The following GAMT variants were observed in gnomAD, a reference collection of about 807,000 sequenced individuals.
GAMT encodes the protein epididymis secretory protein Li 20.
A neutral mutation model predicts 26.9 loss-of-function variants in GAMT; 26 were observed. That is an observed-to-expected ratio of 0.97 (90% confidence interval 0.71 to 1.34). GAMT has a LOEUF of 1.34. Ranked by LOEUF, GAMT falls within the 40% of genes most tolerant of loss-of-function variation. The pLI is 0.00. For synonymous variants in GAMT, 169 were observed against 149.6 expected (o/e 1.13, Z -0.95); for missense variants, 412 against 345.0 (o/e 1.19, Z -1.54).
At chr19:1,400,030 G>C in intron 1 of GAMT, 92 bp from the exon 2 acceptor site, 2 of 1,471,412 alleles carry the variant, frequency 1.4e-6, no homozygotes. Flanking sequence ...GGGCTGGGGA[G>C]ACTGCCTGGA....
At chr19:1,400,707 A>C (rs2082629076) in intron 1 of GAMT, among the ~76,000 whole-genome samples, 1 of 152,152 alleles carries the variant, frequency 6.6e-6, no homozygotes, top group Non-Finnish European at 1.5e-5. Flanking sequence ...CCCCCCGCTC[A>C]ATCCTGATTG....
In GAMT at chr19:1,399,667, A is replaced by AG; in HGVS notation, c.328-81dup. On this transcript the variant is annotated intron_variant, in intron 2 of 5. Transcript: ENST00000252288. This position sits in a 1 kb window ranked among gnomAD's most constrained non-coding sequence, Gnocchi z 6.2. ...CCCCACCTGCAGAAAGGGAGCGGCC[A>AG]GGGGGACTCCCGAGAGAGAAGACCA... 6.5e-7 allele frequency: 1 copy of AG among 1,536,054 alleles called. No individual in the cohort carries two copies. Among genetic ancestry groups the AG allele is most frequent in the South Asian group, 1.2e-5 (1 of 85,570 alleles).
At position 1,399,650 on chromosome 19, in the gene GAMT, G is replaced by C. The variant is rs185236005; in HGVS notation, c.328-63C>G. 3,887 of 1,560,774 alleles carry C rather than the reference G, an allele frequency of 2.5e-3. 1 individual carries two copies. Among genetic ancestry groups the C allele is most frequent in the Middle Eastern group, 3.3e-3 (20 of 5,978 alleles). On this transcript the variant is annotated intron_variant, in intron 2 of 5. Transcript: ENST00000252288. The surrounding 1 kb of genome is among the most constrained non-coding windows in gnomAD (Gnocchi z 6.2). ...AGAGGTCCCCAGGATCTCCCCACCT[G>C]CAGAAAGGGAGCGGCCAGGGGGACT... is the stretch of plus-strand genomic sequence containing the variant.
rs1465584798 is a variant in GAMT at position 1,397,249 on chromosome 19, G to T, written c.*110C>A. ...GACCCCTCACAGAGAAGCCGGGAAA[G>T]CTTCTGGTGACACACAGCTGGGATC... On this transcript the variant is annotated 3_prime_UTR_variant, in exon 6 of 6. Coordinates refer to ENST00000252288, the MANE Select transcript of GAMT (RefSeq NM_000156.6). 16 of 1,337,004 alleles carry T rather than the reference G, an allele frequency of 1.2e-5. No homozygotes were observed. Among genetic ancestry groups the T allele is most frequent in the Non-Finnish European group, 1.6e-5 (16 of 974,844 alleles). The allele number at this position is 1,337,004 out of a possible 1,614,324, so 82.8% of individuals were successfully genotyped here.
At position 1,397,302 on chromosome 19, in the gene GAMT, C is replaced by T; in HGVS notation, c.*57G>A. On this transcript the variant is annotated 3_prime_UTR_variant, in exon 6 of 6. Coordinates refer to ENST00000252288, the MANE Select transcript of GAMT (RefSeq NM_000156.6). Reference sequence around the variant, plus strand: ...CCCAGGGCTGGTGCGACACCCTGGACTCCCGGCCAGGAAGGCACGGAGGAG... The same window carrying T: ...CCCAGGGCTGGTGCGACACCCTGGATTCCCGGCCAGGAAGGCACGGAGGAG... 2 of 1,561,418 alleles carry T rather than the reference C, an allele frequency of 1.3e-6. No individual in the cohort carries two copies. The highest frequency in any genetic ancestry group is 1.9e-5 in the Admixed American group (1 of 53,068).
chr19:1,399,378 C>G lies in GAMT; in HGVS notation c.391+146G>C. On this transcript the variant is annotated intron_variant, in intron 3 of 5. Transcript: ENST00000252288. This position sits in a 1 kb window ranked among gnomAD's most constrained non-coding sequence, Gnocchi z 6.2. The stretch of plus-strand genomic sequence containing the variant: ...GGGCCCCTCCGTGAGCATGCCCATC[C>G]CCGGTGCTCCGCCATCCCACAGCCA... 2 of 1,013,768 alleles carry G rather than the reference C, an allele frequency of 2.0e-6. No homozygotes were observed. The highest frequency in any genetic ancestry group is 2.8e-5 in the South Asian group (2 of 71,346). The allele number at this position is 1,013,768 out of a possible 1,614,324, so 62.8% of individuals were successfully genotyped here. A position where few individuals can be genotyped will look rare whatever the true frequency, so the allele number is the denominator to read the frequency against.
intron 5 of GAMT, chr19:1,397,849 T>C (rs904257411): frequency 1.0e-5 from 12 of 1,148,498 alleles, no homozygotes; most frequent in African/African-American, 1.6e-5. Flanking sequence ...GAAGAAAAGC[T>C]GCCCCAGGGG....
At chr19:1,400,386 G>T (rs1466932039) in intron 1 of GAMT, among the ~76,000 whole-genome samples, 1 of 152,180 alleles carries the variant, frequency 6.6e-6, no homozygotes, top group African/African-American at 2.4e-5. Context: ...GGCCAGCATG[G>T]ACAGAGGCGG....
In GAMT at chr19:1,399,806, C is replaced by A; in HGVS notation, c.314G>T (p.Arg105Leu). Residue 105 changes from arginine (R) to leucine (L), a missense_variant, in exon 2 of 6, where the codon CGG (arginine) becomes CTG (leucine). Arg to Leu is a moderately radical substitution (Grantham distance 102). Coordinates refer to ENST00000252288, the MANE Select transcript of GAMT (RefSeq NM_000156.6). The surrounding 1 kb of genome is among the most constrained non-coding windows in gnomAD (Gnocchi z 6.2). ...VFQRLRDWAPRQTHKVIPLKG... is the reference protein window; with the variant it reads ...VFQRLRDWAPLQTHKVIPLKG... ...GCAGAGGGGCACCTTGTGTGTCTGC[C>A]GTGGGGCCCAGTCCCGGAGCCGCTG... 3 of 1,570,136 alleles carry A rather than the reference C, an allele frequency of 1.9e-6. No homozygotes were observed. Among genetic ancestry groups the A allele is most frequent in the Non-Finnish European group, 2.6e-6 (3 of 1,158,558 alleles).
Position 1,401,437 on chromosome 19 carries a change from C to G in GAMT, c.40G>C (p.Glu14Gln). 7.1e-7 allele frequency: 1 copy of G among 1,412,078 alleles called. No individual in the cohort carries two copies. 87.5% of individuals were successfully genotyped at this position (1,412,078 alleles called of 1,614,324 possible). Residue 14 changes from glutamate to glutamine, a missense_variant, in exon 1 of 6, where the codon GAG (glutamate) becomes CAG (glutamine). By Grantham distance (29) the Glu-to-Gln change is conservative. Transcript: ENST00000252288. ...PSATPIFAPG[E>Q]NCSPAWGAAP... The stretch of plus-strand genomic sequence containing the variant: ...GCCCCCCACGCGGGGCTGCAGTTCT[C>G]GCCGGGCGCGAAGATGGGGGTCGCG...
Position 1,399,995 on chromosome 19 carries a change from T to G in GAMT, c.182-57A>C, listed in dbSNP as rs2082624619. 1.3e-6 allele frequency: 2 copies of G among 1,557,458 alleles called. No individual in the cohort carries two copies. The highest frequency in any genetic ancestry group is 1.4e-5 in the African/African-American group (1 of 73,084). The stretch of plus-strand genomic sequence containing the variant: ...GGTGGGGCGGGCTTAGGAGGCTGCC[T>G]GGAGGAGGGGCACAGGGCAGGGCAG... On this transcript the variant is annotated intron_variant, in intron 1 of 5. Transcript: ENST00000252288. This position sits in a 1 kb window ranked among gnomAD's most constrained non-coding sequence, Gnocchi z 6.2.
intron 5 of GAMT, 140 bp downstream of exon 5, chr19:1,398,776 A>G (rs1396154123): frequency 3.9e-6 from 6 of 1,550,890 alleles, no homozygotes; most frequent in South Asian, 3.6e-5. Context: ...TTTGATTTCT[A>G]AATGAACCAG....
chr19:1,401,150 G>A (rs1054706117), intron 1 of GAMT, 146 bp downstream of exon 1: 15 of 669,972 alleles, frequency 2.2e-5, no homozygotes, highest in Non-Finnish European at 3.3e-5. Flanking sequence ...ACGCCTCCGT[G>A]TGCCCCCACC....
At position 1,399,380 on chromosome 19, in the gene GAMT, C is replaced by A; in HGVS notation, c.391+144G>T. ...GCCCCTCCGTGAGCATGCCCATCCCCGGTGCTCCGCCATCCCACAGCCAGG... is the reference window on the plus strand; with the variant it reads ...GCCCCTCCGTGAGCATGCCCATCCCAGGTGCTCCGCCATCCCACAGCCAGG... On this transcript the variant is annotated intron_variant, in intron 3 of 5. Coordinates refer to ENST00000252288, the MANE Select transcript of GAMT (RefSeq NM_000156.6). This position sits in a 1 kb window ranked among gnomAD's most constrained non-coding sequence, Gnocchi z 6.2. The A allele has an allele frequency of 9.8e-7, 1 of 1,016,586 alleles. No individual in the cohort carries two copies. Among genetic ancestry groups the A allele is most frequent in the Non-Finnish European group, 1.5e-6 (1 of 668,632 alleles). 63.0% of individuals were successfully genotyped at this position (1,016,586 alleles called of 1,614,324 possible). A position where few individuals can be genotyped will look rare whatever the true frequency, so the allele number is the denominator to read the frequency against.
At chr19:1,400,970 C>T (rs567244271) in intron 1 of GAMT, among the ~76,000 whole-genome samples, 1 of 152,332 alleles carries the variant, frequency 6.6e-6, no homozygotes, top group South Asian at 2.1e-4. Context: ...CCCTTCCTCC[C>T]GACCTCAGAC....
intron 1 of GAMT, among the ~76,000 whole-genome samples, chr19:1,400,554 C>A (rs1600159937): frequency 6.6e-6 from 1 of 152,174 alleles, no homozygotes; most frequent in Admixed American, 6.5e-5. Flanking sequence ...CTGTTTGTCC[C>A]GGGTCCCTTA....
At position 1,399,675 on chromosome 19, in the gene GAMT, T is replaced by C; in HGVS notation, c.328-88A>G. On this transcript the variant is annotated intron_variant, in intron 2 of 5. Transcript: ENST00000252288. This position sits in a 1 kb window ranked among gnomAD's most constrained non-coding sequence, Gnocchi z 6.2. ...GCAGAAAGGGAGCGGCCAGGGGGAC[T>C]CCCGAGAGAGAAGACCACCTCCTCC... 6.5e-7 allele frequency: 1 copy of C among 1,528,412 alleles called. No individual in the cohort carries two copies. The highest frequency in any genetic ancestry group is 8.8e-7 in the Non-Finnish European group (1 of 1,131,806). The allele number at this position is 1,528,412 out of a possible 1,614,324, so 94.7% of individuals were successfully genotyped here. A position where few individuals can be genotyped will look rare whatever the true frequency, so the allele number is the denominator to read the frequency against.
At chr19:1,398,432 C>G in intron 5 of GAMT, 2 of 351,270 alleles carry the variant, frequency 5.7e-6, no homozygotes, top group East Asian at 4.6e-5. Context: ...TTCTTTCTTT[C>G]TTTCTTTCTT....
chr19:1,399,726 C>G lies in GAMT; in HGVS notation c.327+67G>C, dbSNP rs1425440714. 2.6e-6 allele frequency: 4 copies of G among 1,530,990 alleles called. No individual in the cohort carries two copies. The highest frequency in any genetic ancestry group is 1.4e-5 in the African/African-American group (1 of 72,908). 94.8% of individuals were successfully genotyped at this position (1,530,990 alleles called of 1,614,324 possible). Reference sequence around the variant, plus strand: ...ACCTCTGACAGCCCCAGGCCCCCAACCCCCAGGAAGCAGTGCCCTCACCCC... The same window carrying G: ...ACCTCTGACAGCCCCAGGCCCCCAAGCCCCAGGAAGCAGTGCCCTCACCCC... On this transcript the variant is annotated intron_variant, in intron 2 of 5. Coordinates refer to ENST00000252288, the MANE Select transcript of GAMT (RefSeq NM_000156.6). This position sits in a 1 kb window ranked among gnomAD's most constrained non-coding sequence, Gnocchi z 6.2.
Sources: allele counts gnomAD v4.1 joint callset (sites outside exome capture counted in the v4.1 genomes callset), GRCh38; gene constraint gnomAD v4.1.1; non-coding constraint Gnocchi (gnomAD v3.1); transcripts MANE v1.5; gene names NCBI Gene and HGNC (gene_info 2026-07-23, HGNC 2026-07-21).